Variants in NUP98 observed in about 807,000 individuals in gnomAD.
The protein encoded by NUP98 is nucleoporin 98 and 96 precursor.
Under a neutral mutation model 191.9 loss-of-function variants are expected in NUP98, and 26 were observed. That is an observed-to-expected ratio of 0.14 (90% CI 0.10 to 0.19). NUP98 has a LOEUF of 0.19. Among genes scored for constraint, NUP98 ranks in the 10% least tolerant of loss-of-function variants. NUP98 has a pLI of 1.00. For synonymous variants in NUP98, 808 were observed against 778.4 expected (o/e 1.04, Z -0.63); for missense variants, 1,941 against 2,178.8 (o/e 0.89, Z 2.17).
intron 1 of NUP98, among the ~76,000 whole-genome samples, chr11:3,782,718 A>C (rs141780133): frequency 0.015 from 2,267 of 151,130 alleles, 68 homozygotes; most frequent in African/African-American, 0.052. Flanking sequence ...AATTATTTGT[A>C]TTTTTAGGAG....
intron 7 of NUP98, among the ~76,000 whole-genome samples, chr11:3,770,526 A>G (rs2081493346): frequency 6.7e-6 from 1 of 149,738 alleles, no homozygotes; most frequent in Admixed American, 6.7e-5. Context: ...TAGGTTAAAT[A>G]TAACTTAGAT....
rs779976952 is a variant in NUP98 at position 3,773,680 on chromosome 11, C to T, written c.555G>A (p.Lys185=). The T allele has an allele frequency of 2.5e-6, 4 of 1,613,434 alleles. No homozygotes were observed. In the Admixed American group the frequency reaches 5.0e-5, roughly 20 times the overall value. The change falls in exon 6 of 33, where the codon AAG becomes AAA. Residue 185 remains lysine, a synonymous_variant. Transcript: ENST00000324932. ...CTTTCATAGCAGTAATACACTGGTG[C>T]TTGGTACTTATGTTAGTGCTAACTC... is the stretch of plus-strand genomic sequence containing the variant. ...KAGVSTNIST[K]HQCITAMKEY...
At chr11:3,731,172 G>A (rs1267243076) in intron 14 of NUP98, among the ~76,000 whole-genome samples, 2 of 151,858 alleles carry the variant, frequency 1.3e-5, no homozygotes, top group East Asian at 3.9e-4. Flanking sequence ...GCTGAAGCAA[G>A]AGAATCGTTT....
intron 14 of NUP98, among the ~76,000 whole-genome samples, chr11:3,729,912 C>T (rs1343647914): frequency 5.3e-5 from 8 of 151,862 alleles, no homozygotes; most frequent in African/African-American, 1.9e-4. Context: ...CTACTGTAAA[C>T]CTTTTTACCT....
intron 7 of NUP98, among the ~76,000 whole-genome samples, chr11:3,769,132 T>C (rs1323743076): frequency 1.3e-5 from 2 of 152,186 alleles, no homozygotes; most frequent in African/African-American, 2.4e-5. Context: ...TAATATTCAA[T>C]AATGAATATG....
chr11:3,773,337 G>A (rs924337329), intron 6 of NUP98, among the ~76,000 whole-genome samples: 7 of 151,746 alleles, frequency 4.6e-5, no homozygotes, highest in Admixed American at 2.6e-4. Flanking sequence ...TGAGACTGCA[G>A]TGAGCTGTGA....
chr11:3,754,350 C>T (rs1231683925), intron 10 of NUP98, among the ~76,000 whole-genome samples: 4 of 152,042 alleles, frequency 2.6e-5, no homozygotes, highest in Non-Finnish European at 4.4e-5. Flanking sequence ...CACTTGAACC[C>T]GGGAGACGGG....
chr11:3,740,509 T>A (rs1439964618), intron 12 of NUP98, among the ~76,000 whole-genome samples: 7 of 149,510 alleles, frequency 4.7e-5, no homozygotes, highest in African/African-American at 1.7e-4. Context: ...AGAGCAAGAC[T>A]CTGTCTCAAA....
Position 3,695,490 on chromosome 11 carries a change from C to A in NUP98, c.4126G>T (p.Asp1376Tyr), listed in dbSNP as rs1170927593. The A allele has an allele frequency of 1.1e-5, 18 of 1,605,874 alleles. No individual in the cohort carries two copies. The highest frequency in any genetic ancestry group is 1.4e-5 in the Non-Finnish European group (17 of 1,175,746). ...AGAGCAAAGATGCGCAGTCTCTCAT[C>A]CTGGATGAAGGAGTCTGCTTGGAGC... ...HQLQADSFIQDERLRIFALLA... is the reference protein window; with the variant it reads ...HQLQADSFIQYERLRIFALLA... Residue 1376 changes from aspartate (D) to tyrosine (Y), a missense_variant, in exon 26 of 33, where the codon GAT (aspartate) becomes TAT (tyrosine). Coordinates refer to ENST00000324932, the MANE Select transcript of NUP98 (RefSeq NM_016320.5).
chr11:3,768,196 C>T (rs1020428062), intron 8 of NUP98, among the ~76,000 whole-genome samples: 7 of 151,920 alleles, frequency 4.6e-5, no homozygotes, highest in African/African-American at 7.3e-5. Context: ...CCGAGGTGGG[C>T]GGATCACGAG....
At chr11:3,782,832 A>G (rs1421258210) in intron 1 of NUP98, among the ~76,000 whole-genome samples, 3 of 152,138 alleles carry the variant, frequency 2.0e-5, no homozygotes, top group African/African-American at 4.8e-5. Context: ...TGCTGGGATT[A>G]CAGGCGCAAA....
At chr11:3,739,057 T>C (rs1381498920) in intron 12 of NUP98, among the ~76,000 whole-genome samples, 1 of 152,044 alleles carries the variant, frequency 6.6e-6, no homozygotes, top group Non-Finnish European at 1.5e-5. Flanking sequence ...GTAAATACAA[T>C]TACCTTTAAA....
At chr11:3,794,079 G>GC (rs2082447248) in intron 1 of NUP98, among the ~76,000 whole-genome samples, 1 of 152,204 alleles carries the variant, frequency 6.6e-6, no homozygotes, top group Admixed American at 6.5e-5. Flanking sequence ...GTTACAACCT[G>GC]CAGAGGATGT....
intron 22 of NUP98, among the ~76,000 whole-genome samples, chr11:3,703,642 T>A (rs2134123474): frequency 6.6e-6 from 1 of 152,300 alleles, no homozygotes; most frequent in Admixed American, 6.5e-5. Flanking sequence ...AGGTTAAGTC[T>A]GGCACCACTC....
chr11:3,744,953 GA>G (rs1266065924), intron 11 of NUP98, among the ~76,000 whole-genome samples: 9 of 152,162 alleles, frequency 5.9e-5, no homozygotes, highest in African/African-American at 2.2e-4. Context: ...GCATTTAGAA[GA>G]CATCGGGAAC....
chr11:3,692,004 A>G (rs1356865710), intron 27 of NUP98, among the ~76,000 whole-genome samples: 1 of 152,216 alleles, frequency 6.6e-6, no homozygotes, highest in Non-Finnish European at 1.5e-5. Flanking sequence ...AGGGCAACAA[A>G]GCAAGATCCC....
At chr11:3,780,015 C>T (rs1206803225) in intron 2 of NUP98, among the ~76,000 whole-genome samples, 1 of 152,122 alleles carries the variant, frequency 6.6e-6, no homozygotes, top group East Asian at 1.9e-4. Flanking sequence ...GATAAATGGT[C>T]TTTCATTAGC....
At chr11:3,742,127 G>A (rs971453412) in intron 12 of NUP98, among the ~76,000 whole-genome samples, 1 of 152,176 alleles carries the variant, frequency 6.6e-6, no homozygotes, top group African/African-American at 2.4e-5. Flanking sequence ...GGAGGACAGA[G>A]GTAGCAGAGA....
At chr11:3,772,368 T>C (rs1346086355) in intron 6 of NUP98, among the ~76,000 whole-genome samples, 2 of 152,234 alleles carry the variant, frequency 1.3e-5, no homozygotes, top group Non-Finnish European at 2.9e-5. Context: ...CCCAATAAAG[T>C]AAGCATAGTT....
Sources: gnomAD v4.1 joint callset for allele counts (sites outside exome capture counted in the v4.1 genomes callset) on GRCh38, gnomAD v4.1.1 for gene constraint, MANE v1.5 for transcripts, NCBI Gene and HGNC (gene_info 2026-07-23, HGNC 2026-07-21) for gene names.